Variants in SEMA3E observed in about 807,000 individuals in gnomAD.
SEMA3E encodes the protein semaphorin-3E.
Under a neutral mutation model 93.6 loss-of-function variants are expected in SEMA3E, and 49 were observed. That is an observed-to-expected ratio of 0.52 (90% confidence interval 0.42 to 0.66). The LOEUF is 0.66. Among genes scored for constraint, SEMA3E ranks in the 30% least tolerant of loss-of-function variants. SEMA3E has a pLI of 0.00. For synonymous variants in SEMA3E, 363 were observed against 330.7 expected (o/e 1.10, Z -1.06); for missense variants, 906 against 964.8 (o/e 0.94, Z 0.81).
At chr7:83,417,022 G>A (rs562616256) in intron 5 of SEMA3E, among the ~76,000 whole-genome samples, 2 of 106,228 alleles carry the variant, frequency 1.9e-5, no homozygotes, top group Admixed American at 8.9e-5. Flanking sequence ...CACAGGGAGA[G>A]AGAGAGAGAG....
chr7:83,566,279 T>C (rs1454719391), intron 1 of SEMA3E, among the ~76,000 whole-genome samples: 3 of 152,032 alleles, frequency 2.0e-5, no homozygotes, highest in Admixed American at 6.6e-5. Context: ...GTGCTGGGAT[T>C]ACAGGCGTGA....
At position 83,364,318 on chromosome 7, in the gene SEMA3E, C is replaced by A. The variant is rs948453216; in HGVS notation, c.*3268G>T. On this transcript the variant is annotated 3_prime_UTR_variant, in exon 17 of 17. Transcript: ENST00000643230. ...ATAATTACTATGAAGATTTACAAAA[C>A]CCTAAAACCTATAGCAAATATCGAA... 6.6e-6 allele frequency: 1 copy of A among 152,230 alleles called. No individual in the cohort carries two copies. The highest frequency in any genetic ancestry group is 2.4e-5 in the African/African-American group (1 of 41,560). 9.4% of individuals were successfully genotyped at this position (152,230 alleles called of 1,614,324 possible).
chr7:83,422,844 T>C (rs2115711978), intron 4 of SEMA3E, among the ~76,000 whole-genome samples: 1 of 152,258 alleles, frequency 6.6e-6, no homozygotes, highest in Admixed American at 6.5e-5. Flanking sequence ...GTGAAGCAAA[T>C]AGAAAATGAA....
At chr7:83,424,094 G>A (rs1788723635) in intron 4 of SEMA3E, among the ~76,000 whole-genome samples, 1 of 151,994 alleles carries the variant, frequency 6.6e-6, no homozygotes, top group African/African-American at 2.4e-5. Flanking sequence ...CACATCTTTG[G>A]AGGATACATT....
intron 1 of SEMA3E, among the ~76,000 whole-genome samples, chr7:83,580,945 T>G (rs1202556145): frequency 3.3e-5 from 5 of 151,962 alleles, no homozygotes; most frequent in Non-Finnish European, 2.9e-5. Flanking sequence ...TCTTTATTAT[T>G]GCAGTTCATT....
chr7:83,632,791 A>C (rs1298891599), intron 1 of SEMA3E, among the ~76,000 whole-genome samples: 1 of 152,194 alleles, frequency 6.6e-6, no homozygotes, highest in Non-Finnish European at 1.5e-5. Flanking sequence ...AAATGATTTG[A>C]GATTAGGTAG....
Position 83,408,406 on chromosome 7 carries a change from T to C in SEMA3E, c.632A>G (p.His211Arg). 4 of 1,613,848 alleles carry C rather than the reference T, an allele frequency of 2.5e-6. No individual in the cohort carries two copies. The South Asian group carries it at 3.3e-5, about 13-fold the overall frequency. The change falls in exon 6 of 17, where the codon CAT (histidine) becomes CGT (arginine). Residue 211 changes from histidine (H) to arginine (R), a missense_variant. His to Arg is a conservative substitution (Grantham distance 29). Coordinates refer to ENST00000643230, the MANE Select transcript of SEMA3E (RefSeq NM_012431.3). ...CTCATCGTCATGCTCAGTGCGGATA[T>C]GGGCCAGTCGCCCCATGCTGCGGAA... is the stretch of plus-strand genomic sequence containing the variant. ...AIFRSMGRLA[H>R]IRTEHDDERL...
intron 1 of SEMA3E, among the ~76,000 whole-genome samples, chr7:83,605,496 T>A (rs561479995): frequency 6.6e-6 from 1 of 151,912 alleles, no homozygotes; most frequent in East Asian, 1.9e-4. Flanking sequence ...AGTGGTGCGA[T>A]CTCAATTCAC....
intron 1 of SEMA3E, among the ~76,000 whole-genome samples, chr7:83,523,233 C>T (rs73378725): frequency 0.019 from 2,920 of 152,130 alleles, 93 homozygotes; most frequent in African/African-American, 0.067. Flanking sequence ...GGTTTGCCTT[C>T]CATCTTCCTG....
chr7:83,433,403 T>C (rs576689585), intron 4 of SEMA3E, among the ~76,000 whole-genome samples: 4 of 152,258 alleles, frequency 2.6e-5, no homozygotes, highest in East Asian at 1.9e-4. Context: ...GTTTACAACA[T>C]TGACTCTTGC....
intron 13 of SEMA3E, among the ~76,000 whole-genome samples, chr7:83,392,998 T>C (rs190517599): frequency 4.1e-4 from 56 of 135,748 alleles, no homozygotes; most frequent in African/African-American, 1.5e-3. Flanking sequence ...GAACCTAGGA[T>C]GTGGAGGTGG....
intron 1 of SEMA3E, among the ~76,000 whole-genome samples, chr7:83,595,813 G>C (rs1196348381): frequency 1.3e-5 from 2 of 151,916 alleles, no homozygotes; most frequent in Non-Finnish European, 2.9e-5. Flanking sequence ...AAGTTACCCA[G>C]ATCACTTGGT....
intron 12 of SEMA3E, among the ~76,000 whole-genome samples, chr7:83,394,553 A>G (rs1788082947): frequency 6.7e-6 from 1 of 149,548 alleles, no homozygotes; most frequent in Non-Finnish European, 1.5e-5. Context: ...AGATGAGAAG[A>G]GCAGCAGGAA....
intron 1 of SEMA3E, among the ~76,000 whole-genome samples, chr7:83,632,203 T>A (rs987344311): frequency 2.0e-5 from 3 of 151,234 alleles, no homozygotes; most frequent in Non-Finnish European, 2.9e-5. Context: ...CACTATTCTG[T>A]AAACAAAGCA....
At chr7:83,446,264 G>A (rs1269699711) in intron 4 of SEMA3E, among the ~76,000 whole-genome samples, 2 of 152,106 alleles carry the variant, frequency 1.3e-5, no homozygotes, top group African/African-American at 2.4e-5. Context: ...AGTTAATTAA[G>A]GGCTAAAAAA....
rs181653954 is a variant in SEMA3E at position 83,454,730 on chromosome 7, A to G, written c.456+11752T>C. ...TTGGAATAATAATCATGGCCTAAAA[A>G]TATATTTTCAATATTTACTTAAAAT... On this transcript the variant is annotated intron_variant, in intron 4 of 16. Coordinates refer to ENST00000643230, the MANE Select transcript of SEMA3E (RefSeq NM_012431.3). Among the ~76,000 whole-genome samples the G allele has an allele frequency of 1.7e-4, 26 of 152,352 alleles. No individual in the cohort carries two copies. The East Asian group carries it at 3.9e-3, about 23-fold the overall frequency.
chr7:83,536,714 T>C (rs1464636380), intron 1 of SEMA3E, among the ~76,000 whole-genome samples: 1 of 152,128 alleles, frequency 6.6e-6, no homozygotes. Context: ...TAAAACAGCA[T>C]TCTTAATATT....
At chr7:83,613,836 A>G (rs1037580472) in intron 1 of SEMA3E, among the ~76,000 whole-genome samples, 1 of 152,100 alleles carries the variant, frequency 6.6e-6, no homozygotes, top group African/African-American at 2.4e-5. Context: ...CATCCCTATT[A>G]AAGAGTAAAA....
At chr7:83,402,585 A>G (rs1468555429) in intron 10 of SEMA3E, 47 bp downstream of exon 10, 1 of 1,549,352 alleles carries the variant, frequency 6.5e-7, no homozygotes, top group East Asian at 2.3e-5. Flanking sequence ...AATATTACCA[A>G]AAGTATACTT....
Sources: gnomAD v4.1 joint callset for allele counts (sites outside exome capture counted in the v4.1 genomes callset) on GRCh38, gnomAD v4.1.1 for gene constraint, MANE v1.5 for transcripts, NCBI Gene and HGNC (gene_info 2026-07-23, HGNC 2026-07-21) for gene names.